The following CNNM2 variants were observed in gnomAD, a reference collection of about 807,000 sequenced individuals.
CNNM2 encodes the protein metal transporter CNNM2.
Under a neutral mutation model 66.9 loss-of-function variants are expected in CNNM2, and 12 were observed. That is an observed-to-expected ratio of 0.18 (90% CI 0.11 to 0.29). CNNM2 has a LOEUF of 0.29. Ranked by LOEUF, CNNM2 falls within the 10% of genes least tolerant of loss-of-function variation. The pLI is 1.00. For missense variants in CNNM2, 705 were observed against 1,167.7 expected (o/e 0.60, Z 5.77); for synonymous variants, 557 against 501.8 (o/e 1.11, Z -1.47).
Position 103,083,221 on chromosome 10 carries a change from T to C in CNNM2, c.*6041T>C, listed in dbSNP as rs1248267749. The stretch of plus-strand genomic sequence containing the variant: ...AACCTAAATAAGCACAAATGACATG[T>C]ATAGGATTGAGCTGATTGTCTTAAT... On this transcript the variant is annotated 3_prime_UTR_variant, in exon 8 of 8. Transcript: ENST00000369878. The C allele has an allele frequency of 1.3e-5, 2 of 152,378 alleles. No homozygotes were observed. Among genetic ancestry groups the C allele is most frequent in the Middle Eastern group, 3.4e-3 (1 of 294 alleles). 9.4% of individuals were successfully genotyped at this position (152,378 alleles called of 1,614,324 possible).
At chr10:103,052,948 G>A (rs1345296677) in intron 2 of CNNM2, among the ~76,000 whole-genome samples, 1 of 152,242 alleles carries the variant, frequency 6.6e-6, no homozygotes, top group Non-Finnish European at 1.5e-5. Context: ...GGAAGTTGCA[G>A]TCGCCTTCTC....
chr10:102,947,833 C>T (rs985713887), intron 1 of CNNM2, among the ~76,000 whole-genome samples: 2 of 151,904 alleles, frequency 1.3e-5, no homozygotes, highest in Admixed American at 6.6e-5. Flanking sequence ...GGGCAAATCA[C>T]GAGGTCAGGA....
chr10:103,000,567 C>A (rs1418320497), intron 1 of CNNM2, among the ~76,000 whole-genome samples: 1 of 151,990 alleles, frequency 6.6e-6, no homozygotes, highest in Non-Finnish European at 1.5e-5. Context: ...AATTCTTGTG[C>A]CTTTCCCTCC....
intron 1 of CNNM2, among the ~76,000 whole-genome samples, chr10:103,040,923 A>G (rs2134316954): frequency 1.3e-5 from 2 of 152,332 alleles, no homozygotes; most frequent in African/African-American, 4.8e-5. Context: ...AGATATAGCT[A>G]AATACGGGAG....
At chr10:103,064,758 T>G (rs2065447790) in intron 4 of CNNM2, among the ~76,000 whole-genome samples, 1 of 152,110 alleles carries the variant, frequency 6.6e-6, no homozygotes, top group Admixed American at 6.5e-5. Context: ...AAGTGTTGCT[T>G]GAGCTCAGGA....
At position 103,082,639 on chromosome 10, in the gene CNNM2, T is replaced by A. The variant is rs533416627; in HGVS notation, c.*5459T>A. The A allele has an allele frequency of 6.6e-6, 1 of 152,378 alleles. No homozygotes were observed. Among genetic ancestry groups the A allele is most frequent in the African/African-American group, 2.4e-5 (1 of 41,578 alleles). The allele number at this position is 152,378 out of a possible 1,614,324, so 9.4% of individuals were successfully genotyped here. ...ATCCATGGATCCTAGGGTTCTGCTG[T>A]CCTTTAAGGCGGGTGAGAGGGTAGT... On this transcript the variant is annotated 3_prime_UTR_variant, in exon 8 of 8. Transcript: ENST00000369878.
In CNNM2 at chr10:103,063,300, G is replaced by A. The variant is rs540375120; in HGVS notation, c.2074-5329G>A. 7.4e-4 allele frequency among the ~76,000 whole-genome samples: 113 copies of A among 152,234 alleles called. 1 individual carries two copies. In the South Asian group the frequency reaches 0.01, roughly 14 times the overall value. On this transcript the variant is annotated intron_variant, in intron 4 of 7. Coordinates refer to ENST00000369878, the MANE Select transcript of CNNM2 (RefSeq NM_017649.5). ...CTTTGGGTGCTGCAACTCCTCTCTC[G>A]GTTAATACAACCCAGTCTTTGTGCC... is the stretch of plus-strand genomic sequence containing the variant.
Position 102,918,605 on chromosome 10 carries a change from A to T in CNNM2, c.125A>T (p.Gln42Leu). ...SLSARGRGILQAAAGRLLPLL... is the reference protein window; with the variant it reads ...SLSARGRGILLAAAGRLLPLL... ...AGCGCTCGCGGCCGGGGGATCCTGC[A>T]GGCGGCTGCGGGGCGGCTGCTGCCG... The change falls in exon 1 of 8, where the codon CAG becomes CTG. Residue 42 changes from glutamine to leucine, a missense_variant. Coordinates refer to ENST00000369878, the MANE Select transcript of CNNM2 (RefSeq NM_017649.5). This position sits in a 1 kb window ranked among gnomAD's most constrained non-coding sequence, Gnocchi z 4.1. 1 of 1,556,826 alleles carries T rather than the reference A, an allele frequency of 6.4e-7. No homozygotes were observed. The highest frequency in any genetic ancestry group is 8.7e-7 in the Non-Finnish European group (1 of 1,153,380).
chr10:103,053,304 CAGG>C (rs971922187), intron 2 of CNNM2, among the ~76,000 whole-genome samples: 21 of 152,152 alleles, frequency 1.4e-4, no homozygotes, highest in African/African-American at 4.6e-4. Context: ...TGCTTGAGCC[CAGG>C]AGTTCAATAC....
intron 1 of CNNM2, among the ~76,000 whole-genome samples, chr10:103,007,331 G>T (rs1291338900): frequency 1.3e-5 from 2 of 152,184 alleles, no homozygotes; most frequent in Non-Finnish European, 2.9e-5. Context: ...TACACATGTT[G>T]TCTTGAGAAA....
intron 1 of CNNM2, among the ~76,000 whole-genome samples, chr10:102,967,174 A>G (rs1564824118): frequency 6.6e-6 from 1 of 152,046 alleles, no homozygotes; most frequent in Non-Finnish European, 1.5e-5. Flanking sequence ...GATGGTCTTG[A>G]ACTCCTGGCC....
rs900200714 is a variant in CNNM2, at chr10:103,088,383, A to G, written c.*11203A>G. Reference sequence around the variant, plus strand: ...AAACAAGAGGTGATTTCGACTTGGGATTGGGATTTTTATTTTTTGAGATGG... The same window carrying G: ...AAACAAGAGGTGATTTCGACTTGGGGTTGGGATTTTTATTTTTTGAGATGG... On this transcript the variant is annotated 3_prime_UTR_variant, in exon 8 of 8. Transcript: ENST00000369878. 1.3e-5 allele frequency: 2 copies of G among 152,074 alleles called. No individual in the cohort carries two copies. Among genetic ancestry groups the G allele is most frequent in the African/African-American group, 2.4e-5 (1 of 41,404 alleles). 9.4% of individuals were successfully genotyped at this position (152,074 alleles called of 1,614,324 possible).
At chr10:103,042,419 G>C (rs1172177221) in intron 1 of CNNM2, among the ~76,000 whole-genome samples, 1 of 152,094 alleles carries the variant, frequency 6.6e-6, no homozygotes, top group African/African-American at 2.4e-5. Flanking sequence ...CGCCCCTACT[G>C]TTATGTTCTC....
At chr10:103,033,725 TC>T (rs1021532520) in intron 1 of CNNM2, among the ~76,000 whole-genome samples, 2 of 152,072 alleles carry the variant, frequency 1.3e-5, no homozygotes, top group Non-Finnish European at 2.9e-5. Flanking sequence ...AACCTTGTGA[TC>T]CGCCTGCCTC....
At chr10:103,049,906 G>A (rs761857676) in intron 2 of CNNM2, 56 bp downstream of exon 2, 129 of 1,565,966 alleles carry the variant, frequency 8.2e-5, no homozygotes, top group Non-Finnish European at 1.1e-4. Flanking sequence ...TTGTTGTGCT[G>A]TTTGTGAGTC....
rs10430665 is a variant in CNNM2, at chr10:103,088,673, C to T, written c.*11493C>T. 16,879 of 173,790 alleles carry T rather than the reference C, an allele frequency of 0.097. 1,118 individuals carry two copies. Among genetic ancestry groups the T allele is most frequent in the East Asian group, 0.27 (2,608 of 9,692 alleles). 10.8% of individuals were successfully genotyped at this position (173,790 alleles called of 1,614,324 possible). ...AAGTGCTGGGATTACAGGCGTGAGC[C>T]GCCGTGCCTGGCCTTGACTTGAGAT... On this transcript the variant is annotated 3_prime_UTR_variant, in exon 8 of 8. Transcript: ENST00000369878.
Position 102,957,505 on chromosome 10 carries a change from G to T in CNNM2, c.1621+37404G>T, listed in dbSNP as rs532205848. On this transcript the variant is annotated intron_variant, in intron 1 of 7. Transcript: ENST00000369878. ...AAGTGATTTGAACTCTATGCACTAG[G>T]TAATTACATTTTCATTAACATTTAT... Among the ~76,000 whole-genome samples, 3 of 152,260 alleles carry T rather than the reference G, an allele frequency of 2.0e-5. No homozygotes were observed. The South Asian group carries it at 6.2e-4, about 32-fold the overall frequency.
chr10:102,993,875 G>C (rs533061989), intron 1 of CNNM2, among the ~76,000 whole-genome samples: 1 of 152,160 alleles, frequency 6.6e-6, no homozygotes, highest in African/African-American at 2.4e-5. Flanking sequence ...GATTCTTTGT[G>C]GTCTACTCTT....
intron 1 of CNNM2, among the ~76,000 whole-genome samples, chr10:103,041,666 C>A (rs373771326): frequency 6.6e-6 from 1 of 152,248 alleles, no homozygotes; most frequent in African/African-American, 2.4e-5. Flanking sequence ...CCAGCATCTT[C>A]TGTCGCCAAA....
Sources: gnomAD v4.1 joint callset for allele counts (sites outside exome capture counted in the v4.1 genomes callset) on GRCh38, gnomAD v4.1.1 for gene constraint, Gnocchi (gnomAD v3.1) non-coding constraint, MANE v1.5 for transcripts, NCBI Gene and HGNC (gene_info 2026-07-23, HGNC 2026-07-21) for gene names.